TESPA1: variants seen among roughly 807,000 people sequenced by gnomAD.
TESPA1 encodes thymocyte expressed, positive selection associated 1, also known as protein TESPA1.
Under a neutral mutation model 57.9 loss-of-function variants are expected in TESPA1, and 33 were observed. The ratio of observed to expected loss-of-function variants is 0.57; its 90% CI spans 0.43 to 0.76. The LOEUF is 0.76. TESPA1 is among the 30% of genes least tolerant of loss of function. The pLI, the probability that TESPA1 is intolerant of heterozygous loss-of-function variation, is 0.00. For synonymous variants in TESPA1, 227 were observed against 228.9 expected (o/e 0.99, Z 0.07); for missense variants, 618 against 632.9 (o/e 0.98, Z 0.25).
Position 54,950,235 on chromosome 12 carries a change from ATGC to A in TESPA1, c.*154_*156del, listed in dbSNP as rs1219118087. 2.2e-6 allele frequency: 1 copy of A among 456,158 alleles called. No individual in the cohort carries two copies. The highest frequency in any genetic ancestry group is 4.4e-6 in the Non-Finnish European group (1 of 226,948). The allele number at this position is 456,158 out of a possible 1,614,324, so 28.3% of individuals were successfully genotyped here. A position where few individuals can be genotyped will look rare whatever the true frequency, so the allele number is the denominator to read the frequency against. On this transcript the variant is annotated 3_prime_UTR_variant, in exon 11 of 11. Transcript: ENST00000449076. ...AGTCTGGTCTTCCTCCCCATGTACC[ATGC>A]TGCCTTTCTCCTGCAGAGTTTGGGG...
chr12:54,967,052 C>A (rs1164769763), intron 5 of TESPA1, 131 bp downstream of exon 5: 4 of 960,548 alleles, frequency 4.2e-6, no homozygotes, highest in Non-Finnish European at 4.8e-6. Flanking sequence ...AATGAGACTG[C>A]CCTTTCCCTG....
chr12:54,977,000 C>T (rs964208884), intron 1 of TESPA1, among the ~76,000 whole-genome samples: 73 of 152,096 alleles, frequency 4.8e-4, no homozygotes, highest in African/African-American at 1.7e-3. Flanking sequence ...TAACCAGCGT[C>T]CTCCATGGAG....
At chr12:54,958,221 C>G (rs963886402) in intron 10 of TESPA1, among the ~76,000 whole-genome samples, 1 of 152,132 alleles carries the variant, frequency 6.6e-6, no homozygotes, top group Admixed American at 6.5e-5. Context: ...TGTGGAACAT[C>G]TTGGCATTTT....
Position 54,966,263 on chromosome 12 carries a change from T to C in TESPA1, c.348-112A>G, listed in dbSNP as rs1565851953. On this transcript the variant is annotated intron_variant, in intron 6 of 10. Coordinates refer to ENST00000449076, the MANE Select transcript of TESPA1 (RefSeq NM_001136030.3). ...CCTGAACAGTAGTCTATGCAGTGCT[T>C]GTTCGTTGGAAAGTCTCACTCTCTA... The C allele has an allele frequency of 1.9e-6, 3 of 1,576,664 alleles. No individual in the cohort carries two copies. In the Admixed American group the frequency reaches 5.1e-5, roughly 27 times the overall value.
At chr12:54,950,869 G>A (rs2136001027) in intron 10 of TESPA1, among the ~76,000 whole-genome samples, 1 of 152,214 alleles carries the variant, frequency 6.6e-6, no homozygotes, top group East Asian at 1.9e-4. Context: ...GAAAAAGAGA[G>A]AAAGAAATAG....
Position 54,967,934 on chromosome 12 carries a change from A to C in TESPA1, c.207-42T>G, listed in dbSNP as rs763016126. ...CTTATAGGTTGAAGTCACTTACTAC[A>C]TTTTCCAAGGAGCTTTTTCATGGAA... On this transcript the variant is annotated intron_variant, in intron 3 of 10. Coordinates refer to ENST00000449076, the MANE Select transcript of TESPA1 (RefSeq NM_001136030.3). The C allele has an allele frequency of 3.1e-6, 5 of 1,612,484 alleles. No individual in the cohort carries two copies. In the Admixed American group the frequency reaches 6.7e-5, roughly 22 times the overall value.
intron 3 of TESPA1, among the ~76,000 whole-genome samples, chr12:54,971,551 C>A (rs4759129): frequency 0.36 from 55,443 of 152,044 alleles, 12,997 homozygotes; most frequent in East Asian, 0.92. Flanking sequence ...AAATGCAAGT[C>A]TGTTGATTAA....
At chr12:54,973,340 A>G in intron 3 of TESPA1, 137 bp downstream of exon 3, 1 of 1,279,036 alleles carries the variant, frequency 7.8e-7, no homozygotes, top group East Asian at 2.4e-5. Context: ...CACCCCTCCA[A>G]CCACCATCTC....
intron 1 of TESPA1, among the ~76,000 whole-genome samples, chr12:54,979,204 A>AC (rs1952230179): frequency 7.7e-6 from 1 of 129,414 alleles, no homozygotes; most frequent in Non-Finnish European, 1.5e-5. Context: ...AAATTCTCCT[A>AC]TTTAAAAAAA....
At position 54,963,119 on chromosome 12, in the gene TESPA1, T is replaced by C. The variant is rs1484271981; in HGVS notation, c.779A>G (p.His260Arg). 1 of 1,613,844 alleles carries C rather than the reference T, an allele frequency of 6.2e-7. No homozygotes were observed. The highest frequency in any genetic ancestry group is 1.7e-5 in the Admixed American group (1 of 60,000). Residue 260 changes from histidine to arginine, a missense_variant, in exon 9 of 11, where the codon CAT becomes CGT. His to Arg is a conservative substitution (Grantham distance 29, BLOSUM62 0). This residue lies in a region of TESPA1 where 409 missense variants were observed against 420.1 expected (regional missense o/e 0.97). Coordinates refer to ENST00000449076, the MANE Select transcript of TESPA1 (RefSeq NM_001136030.3). The part of the protein sequence containing the change: ...TPSHMFWNCN[H>R]PTDVPSIRIL... ...CCTGATGGATGGCACATCAGTTGGA[T>C]GGTTGCAATTCCAGAACATGTGGGA... is the stretch of plus-strand genomic sequence containing the variant.
intron 7 of TESPA1, among the ~76,000 whole-genome samples, chr12:54,964,464 G>T (rs1951292756): frequency 1.3e-5 from 2 of 152,216 alleles, no homozygotes; most frequent in African/African-American, 4.8e-5. Flanking sequence ...TGAGAGGTAT[G>T]CTCCTTTCTA....
chr12:54,978,091 TAGAC>T (rs1952198216), intron 1 of TESPA1, among the ~76,000 whole-genome samples: 3 of 152,214 alleles, frequency 2.0e-5, no homozygotes, highest in African/African-American at 4.8e-5. Context: ...ATGAGAGTGT[TAGAC>T]AGAATTAAAA....
chr12:54,967,304 C>T, intron 4 of TESPA1, 68 bp from the exon 5 acceptor site: 1 of 1,528,178 alleles, frequency 6.5e-7, no homozygotes, highest in Non-Finnish European at 8.9e-7. Flanking sequence ...CATGCACACC[C>T]CTGCATACAC....
intron 3 of TESPA1, among the ~76,000 whole-genome samples, chr12:54,973,141 T>C (rs1951941136): frequency 1.3e-5 from 2 of 152,194 alleles, no homozygotes; most frequent in Admixed American, 1.3e-4. Context: ...TGTTACACAA[T>C]GTAAGACTCC....
At position 54,950,081 on chromosome 12, in the gene TESPA1, A is replaced by C. The variant is rs1950286850; in HGVS notation, c.*311T>G. ...AAATTAAGGCTTTGTTCAGTTTACTATCATCCACATTATATATTTTAATAC... is the reference window on the plus strand; with the variant it reads ...AAATTAAGGCTTTGTTCAGTTTACTCTCATCCACATTATATATTTTAATAC... On this transcript the variant is annotated 3_prime_UTR_variant, in exon 11 of 11. Coordinates refer to ENST00000449076, the MANE Select transcript of TESPA1 (RefSeq NM_001136030.3). 1 of 278,286 alleles carries C rather than the reference A, an allele frequency of 3.6e-6. No homozygotes were observed. The highest frequency in any genetic ancestry group is 2.2e-5 in the African/African-American group (1 of 44,924). 17.2% of individuals were successfully genotyped at this position (278,286 alleles called of 1,614,324 possible). A position where few individuals can be genotyped will look rare whatever the true frequency, so the allele number is the denominator to read the frequency against.
intron 3 of TESPA1, among the ~76,000 whole-genome samples, chr12:54,973,245 T>G (rs1467508954): frequency 6.6e-6 from 1 of 152,154 alleles, no homozygotes; most frequent in Non-Finnish European, 1.5e-5. Context: ...CAACCTCTAT[T>G]CCTAGACCTC....
intron 10 of TESPA1, among the ~76,000 whole-genome samples, chr12:54,958,766 A>C (rs564928871): frequency 1.4e-4 from 22 of 152,262 alleles, no homozygotes; most frequent in African/African-American, 5.1e-4. Context: ...TCTCAAGCTC[A>C]GAGATTCTTT....
chr12:54,981,637 C>T (rs1181471373), intron 1 of TESPA1: 1 of 151,972 alleles, frequency 6.6e-6, no homozygotes, highest in African/African-American at 2.4e-5. Flanking sequence ...TTACCTAATC[C>T]TGTTCACTCA....
At chr12:54,959,026 G>A (rs1212260990) in intron 10 of TESPA1, among the ~76,000 whole-genome samples, 1 of 152,120 alleles carries the variant, frequency 6.6e-6, no homozygotes, top group African/African-American at 2.4e-5. Flanking sequence ...TCTTCAACCT[G>A]TTTTTGCCTT....
Sources: allele counts gnomAD v4.1 joint callset (sites outside exome capture counted in the v4.1 genomes callset), GRCh38; gene constraint gnomAD v4.1.1; regional missense constraint gnomAD v4.1.1; transcripts MANE v1.5; gene names NCBI Gene and HGNC (gene_info 2026-07-23, HGNC 2026-07-21).